The following HYAL4 variants were observed in gnomAD, a reference collection of about 807,000 sequenced individuals.
HYAL4 encodes hyaluronidase-4.
In HYAL4, 37 loss-of-function variants were observed where a neutral mutation model predicts 35.2. The ratio of observed to expected loss-of-function variants is 1.05; its 90% CI spans 0.81 to 1.38. HYAL4 has a LOEUF of 1.38. Ranked by LOEUF, HYAL4 falls within the 40% of genes most tolerant of loss-of-function variation. HYAL4 has a pLI of 0.00. For missense variants in HYAL4, 572 were observed against 572.4 expected (o/e 1.00, Z 0.01); for synonymous variants, 198 against 203.2 (o/e 0.97, Z 0.22).
the HYAL4 span, among the ~76,000 whole-genome samples, chr7:123,820,399 C>A: frequency 2.6e-5 from 4 of 151,860 alleles, no homozygotes; most frequent in African/African-American, 9.7e-5. Context: ...GCCTGACCAA[C>A]ATGGAGAAAC....
At chr7:123,786,499 T>G in the HYAL4 span, among the ~76,000 whole-genome samples, 1 of 151,972 alleles carries the variant, frequency 6.6e-6, no homozygotes, top group African/African-American at 2.4e-5. Flanking sequence ...TCCTTGATTC[T>G]AGAACATCAG....
At chr7:123,846,291 T>A (rs1379483952) in intron 1 of HYAL4, among the ~76,000 whole-genome samples, 2 of 151,732 alleles carry the variant, frequency 1.3e-5, no homozygotes, top group Non-Finnish European at 2.9e-5. Context: ...ATGTGTGAGT[T>A]CAGACTCTCC....
At chr7:123,836,542 T>C (rs1043640916) in intron 1 of HYAL4, among the ~76,000 whole-genome samples, 4 of 152,246 alleles carry the variant, frequency 2.6e-5, no homozygotes, top group African/African-American at 9.6e-5. Context: ...TCTGCAATTC[T>C]ATATCTTTTA....
upstream of HYAL4, among the ~76,000 whole-genome samples, chr7:123,840,609 C>G (rs10246370): frequency 0.11 from 17,300 of 152,006 alleles, 1,253 homozygotes; most frequent in Non-Finnish European, 0.14. Flanking sequence ...TTGATTCTTC[C>G]TATGCATGAG....
At chr7:123,850,447 C>A (rs1806277666) in intron 2 of HYAL4, among the ~76,000 whole-genome samples, 1 of 152,122 alleles carries the variant, frequency 6.6e-6, no homozygotes. Flanking sequence ...TGCCATGTTG[C>A]TCAAGCTGGT....
chr7:123,832,825 TTCC>T (rs1405306259), intron 1 of HYAL4, among the ~76,000 whole-genome samples: 1 of 152,130 alleles, frequency 6.6e-6, no homozygotes, highest in Non-Finnish European at 1.5e-5. Context: ...CATAGCTCAG[TTCC>T]CACTTATGAG....
Position 123,868,742 on chromosome 7 carries a change from T to C in HYAL4, c.469T>C (p.Trp157Arg). ...EYWRPQWARN[W>R]NSKDVYRQKS... Reference sequence around the variant, plus strand: ...TTGGCGACCACAGTGGGCCCGGAACTGGAACTCAAAAGATGTTTACAGACA... The same window carrying C: ...TTGGCGACCACAGTGGGCCCGGAACCGGAACTCAAAAGATGTTTACAGACA... The change falls in exon 3 of 5, where the codon TGG becomes CGG. Residue 157 changes from tryptophan to arginine, a missense_variant. Trp to Arg is a moderately radical substitution (Grantham distance 101). Coordinates refer to ENST00000223026, the MANE Select transcript of HYAL4 (RefSeq NM_012269.3). 1 of 1,614,052 alleles carries C rather than the reference T, an allele frequency of 6.2e-7. No homozygotes were observed. The highest frequency in any genetic ancestry group is 8.5e-7 in the Non-Finnish European group (1 of 1,179,998).
the HYAL4 span, among the ~76,000 whole-genome samples, chr7:123,772,460 G>A: frequency 6.6e-6 from 1 of 152,058 alleles, no homozygotes; most frequent in South Asian, 2.1e-4. Context: ...GTGACACATG[G>A]GACTTGTCAT....
chr7:123,836,678 G>A (rs1248050181), intron 1 of HYAL4, among the ~76,000 whole-genome samples: 2 of 151,210 alleles, frequency 1.3e-5, no homozygotes, highest in African/African-American at 2.4e-5. Context: ...TATAGGTCCT[G>A]TGAGATTTAT....
chr7:123,811,998 C>T, the HYAL4 span, among the ~76,000 whole-genome samples: 359 of 152,158 alleles, frequency 2.4e-3, 2 homozygotes, highest in African/African-American at 8.1e-3. Context: ...CACACCACCA[C>T]ACGTGGCTAA....
Position 123,877,081 on chromosome 7 carries a change from G to T in HYAL4, c.1372G>T (p.Val458Phe). ...EIKTADGCSGVSPSPGSLMTL... is the reference protein window; with the variant it reads ...EIKTADGCSGFSPSPGSLMTL... ...AAAGACGGCTGATGGCTGCTCTGGG[G>T]TTTCCCCTTCTCCTGGTTCACTAAT... Residue 458 changes from valine to phenylalanine, a missense_variant, in exon 5 of 5, where the codon GTT becomes TTT. By Grantham distance (50) the Val-to-Phe change is conservative. Coordinates refer to ENST00000223026, the MANE Select transcript of HYAL4 (RefSeq NM_012269.3). 1 of 1,614,194 alleles carries T rather than the reference G, an allele frequency of 6.2e-7. No individual in the cohort carries two copies. Among genetic ancestry groups the T allele is most frequent in the South Asian group, 1.1e-5 (1 of 91,076 alleles).
At chr7:123,874,736 A>G (rs1333163173) in intron 3 of HYAL4, 25 bp from the exon 4 acceptor site, 1 of 1,400,678 alleles carries the variant, frequency 7.1e-7, no homozygotes, top group Non-Finnish European at 1.0e-6. Flanking sequence ...CAAATTAATA[A>G]TGAACTCTAC....
chr7:123,768,770 G>C, the HYAL4 span, among the ~76,000 whole-genome samples: 1 of 152,134 alleles, frequency 6.6e-6, no homozygotes, highest in Non-Finnish European at 1.5e-5. Flanking sequence ...GTTTCAAGAG[G>C]AATTACTTTG....
chr7:123,863,504 C>T lies in HYAL4; in HGVS notation c.-51-4719C>T, dbSNP rs558309312. On this transcript the variant is annotated intron_variant, in intron 2 of 4. Coordinates refer to ENST00000223026, the MANE Select transcript of HYAL4 (RefSeq NM_012269.3). ...AACTATCATATGATTTAGGTTTTGG[C>T]TGAGTGACTTGGTGAAGAGTCTAAG... Among the ~76,000 whole-genome samples, 4 of 152,234 alleles carry T rather than the reference C, an allele frequency of 2.6e-5. No homozygotes were observed. In the South Asian group the frequency reaches 8.3e-4, roughly 32 times the overall value.
chr7:123,823,762 T>C, the HYAL4 span, among the ~76,000 whole-genome samples: 39 of 149,786 alleles, frequency 2.6e-4, no homozygotes, highest in East Asian at 2.9e-3. Flanking sequence ...CACACACACA[T>C]ATATTTATAT....
At chr7:123,847,600 A>T (rs909814253) in intron 1 of HYAL4, among the ~76,000 whole-genome samples, 4 of 151,990 alleles carry the variant, frequency 2.6e-5, no homozygotes. Context: ...ACACGGTGAA[A>T]CCCCGTCTCT....
intron 2 of HYAL4, among the ~76,000 whole-genome samples, chr7:123,856,802 G>A (rs1030637312): frequency 2.6e-5 from 4 of 152,152 alleles, no homozygotes; most frequent in Non-Finnish European, 5.9e-5. Context: ...CCTTCCCCTA[G>A]TTGCTCTGTC....
At chr7:123,849,379 C>A (rs2116926531) in intron 2 of HYAL4, among the ~76,000 whole-genome samples, 1 of 151,998 alleles carries the variant, frequency 6.6e-6, no homozygotes, top group Middle Eastern at 3.4e-3. Flanking sequence ...TGGCTCACTG[C>A]AACTTCTGCC....
At chr7:123,862,390 A>G (rs1806593265) in intron 2 of HYAL4, among the ~76,000 whole-genome samples, 1 of 152,174 alleles carries the variant, frequency 6.6e-6, no homozygotes, top group African/African-American at 2.4e-5. Flanking sequence ...CAGAACCCCA[A>G]TATCATGAAA....
Sources: gnomAD v4.1 joint callset for allele counts (sites outside exome capture counted in the v4.1 genomes callset) on GRCh38, gnomAD v4.1.1 for gene constraint, MANE v1.5 for transcripts, NCBI Gene and HGNC (gene_info 2026-07-23, HGNC 2026-07-21) for gene names.